Variants in NTSR1 observed in about 807,000 individuals in gnomAD.
NTSR1 encodes neurotensin receptor 1.
In NTSR1, 29 loss-of-function variants were observed where a neutral mutation model predicts 31.2. That is an observed-to-expected ratio of 0.93 (90% CI 0.69 to 1.27). The LOEUF is 1.27. NTSR1 is among the 50% of genes most tolerant of loss of function. The pLI, the probability that NTSR1 is intolerant of heterozygous loss-of-function variation, is 0.00. For missense variants in NTSR1, 697 were observed against 595.4 expected, an observed-to-expected ratio of 1.17 and a Z score of -1.78; for synonymous variants, 282 against 269.9, an observed-to-expected ratio of 1.04 and a Z score of -0.44.
In NTSR1 at chr20:62,709,740, C is replaced by T. The variant is rs199767301; in HGVS notation, c.533C>T (p.Thr178Ile). ...ATCTGCCACCCCTTCAAGGCCAAGA[C>T]CCTCATGTCCCGAAGCCGCACCAAG... Reference protein sequence around the residue: ...LAICHPFKAKTLMSRSRTKKF... With the variant: ...LAICHPFKAKILMSRSRTKKF... Residue 178 changes from threonine to isoleucine, a missense_variant, in exon 1 of 4, where the codon ACC (threonine) becomes ATC (isoleucine). By Grantham distance (89) the Thr-to-Ile change is moderately conservative (BLOSUM62 -1). Coordinates refer to ENST00000370501, the MANE Select transcript of NTSR1 (RefSeq NM_002531.3). The T allele has an allele frequency of 1.9e-4, 309 of 1,612,934 alleles. No individual in the cohort carries two copies. Among genetic ancestry groups the T allele is most frequent in the Middle Eastern group, 3.3e-4 (2 of 6,084 alleles).
At chr20:62,736,797 G>T (rs1989102859) in intron 1 of NTSR1, among the ~76,000 whole-genome samples, 1 of 152,264 alleles carries the variant, frequency 6.6e-6, no homozygotes, top group Non-Finnish European at 1.5e-5. Context: ...AATCTCATGG[G>T]AATTGTAATC....
intron 1 of NTSR1, among the ~76,000 whole-genome samples, chr20:62,712,952 A>G (rs559249229): frequency 9.9e-5 from 15 of 152,172 alleles, no homozygotes; most frequent in Non-Finnish European, 1.6e-4. Flanking sequence ...TGTATACTGA[A>G]CGTGTGCACA....
At chr20:62,746,137 C>T (rs1463100933) in intron 1 of NTSR1, among the ~76,000 whole-genome samples, 1 of 152,266 alleles carries the variant, frequency 6.6e-6, no homozygotes, top group Admixed American at 6.5e-5. Flanking sequence ...TCAAGGCTGC[C>T]GCCCGGCGGG....
At chr20:62,736,307 C>A (rs940669961) in intron 1 of NTSR1, among the ~76,000 whole-genome samples, 32 of 152,218 alleles carry the variant, frequency 2.1e-4, no homozygotes, top group African/African-American at 7.0e-4. Context: ...GACCCTGGGA[C>A]CCCAGAGGCA....
intron 1 of NTSR1, among the ~76,000 whole-genome samples, chr20:62,713,412 C>T (rs1600717211): frequency 6.6e-6 from 1 of 152,286 alleles, no homozygotes; most frequent in Non-Finnish European, 1.5e-5. Context: ...CACAGGGCGA[C>T]TTGGCAAACA....
rs939036261 is a variant in NTSR1 at position 62,744,135 on chromosome 20, G to A, written c.715-10550G>A. On this transcript the variant is annotated intron_variant, in intron 1 of 3. Transcript: ENST00000370501. This position sits in a 1 kb window ranked among gnomAD's most constrained non-coding sequence, Gnocchi z 4.1. ...CAGCCCCACCAGCCGTCGCCCCAGC[G>A]TGTCCCATCCCAGCCTCCCAAGCCG... Among the ~76,000 whole-genome samples the A allele has an allele frequency of 5.3e-5, 8 of 152,156 alleles. No homozygotes were observed. The highest frequency in any genetic ancestry group is 1.2e-4 in the African/African-American group (5 of 41,434).
Position 62,709,066 on chromosome 20 carries a change from A to G in NTSR1, c.-142A>G. On this transcript the variant is annotated 5_prime_UTR_variant, in exon 1 of 4. Coordinates refer to ENST00000370501, the MANE Select transcript of NTSR1 (RefSeq NM_002531.3). ...GCGCGTCTGGGTCTGGCGCTTCCCG[A>G]CTGGACGGCGCGCCCGCTGGTCTTC... is the stretch of plus-strand genomic sequence containing the variant. The G allele has an allele frequency of 1.6e-6, 1 of 628,218 alleles. No individual in the cohort carries two copies. The highest frequency in any genetic ancestry group is 3.5e-5 in the East Asian group (1 of 28,688). 38.9% of individuals were successfully genotyped at this position (628,218 alleles called of 1,614,324 possible).
At chr20:62,751,905 G>A (rs1029522984) in intron 1 of NTSR1, among the ~76,000 whole-genome samples, 2 of 152,306 alleles carry the variant, frequency 1.3e-5, no homozygotes, top group Middle Eastern at 3.4e-3. Context: ...CACAGATGGA[G>A]CTTCTGTCTG....
intron 1 of NTSR1, among the ~76,000 whole-genome samples, chr20:62,727,180 C>A (rs1988922222): frequency 1.3e-5 from 2 of 152,200 alleles, no homozygotes; most frequent in South Asian, 2.1e-4. Context: ...CACACAGGAG[C>A]CCGTGAGGGC....
At chr20:62,721,148 T>C (rs773636718) in intron 1 of NTSR1, among the ~76,000 whole-genome samples, 3 of 152,216 alleles carry the variant, frequency 2.0e-5, no homozygotes, top group African/African-American at 7.2e-5. Flanking sequence ...TGTTGGATAG[T>C]GTTATAGTAT....
intron 1 of NTSR1, among the ~76,000 whole-genome samples, chr20:62,739,979 C>T (rs567305206): frequency 7.2e-4 from 109 of 152,374 alleles, no homozygotes; most frequent in Admixed American, 4.6e-3. Context: ...CGCACCGCCT[C>T]GTCCCCAGCT....
At chr20:62,723,491 C>T (rs952843245) in intron 1 of NTSR1, among the ~76,000 whole-genome samples, 1 of 152,194 alleles carries the variant, frequency 6.6e-6, no homozygotes, top group South Asian at 2.1e-4. Flanking sequence ...CTTCAGGCTG[C>T]GTGCCCAGCA....
intron 1 of NTSR1, among the ~76,000 whole-genome samples, chr20:62,728,986 G>A (rs555261961): frequency 3.3e-5 from 5 of 152,332 alleles, no homozygotes; most frequent in South Asian, 4.1e-4. Flanking sequence ...CAGCCCTTCC[G>A]GCGACACTCA....
intron 1 of NTSR1, among the ~76,000 whole-genome samples, chr20:62,754,068 C>T (rs958372107): frequency 6.6e-6 from 1 of 152,204 alleles, no homozygotes; most frequent in Non-Finnish European, 1.5e-5. Context: ...CTATGATGAC[C>T]CAGCCTTGTG....
intron 1 of NTSR1, among the ~76,000 whole-genome samples, chr20:62,718,471 G>A (rs985044549): frequency 6.6e-5 from 10 of 152,142 alleles, no homozygotes; most frequent in Admixed American, 3.9e-4. Context: ...TATGAGCTTC[G>A]ATAAATGCAG....
chr20:62,751,368 C>T (rs115787985), intron 1 of NTSR1, among the ~76,000 whole-genome samples: 2,157 of 152,188 alleles, frequency 0.014, 48 homozygotes, highest in African/African-American at 0.048. Context: ...GTACTAACTC[C>T]AGGAACTAAG....
chr20:62,760,258 G>A lies in NTSR1; in HGVS notation c.1248G>A (p.Thr416=), dbSNP rs775142005. ...HTLSSNATRE[T]LY ...TCTCCAGCAATGCCACCCGCGAGAC[G>A]CTGTACTAGGCTGTGCGCCCCGGAA... The change falls in exon 4 of 4, where the codon ACG becomes ACA. Residue 416 remains threonine, a synonymous_variant. Coordinates refer to ENST00000370501, the MANE Select transcript of NTSR1 (RefSeq NM_002531.3). 27 of 1,606,128 alleles carry A rather than the reference G, an allele frequency of 1.7e-5. No individual in the cohort carries two copies. The highest frequency in any genetic ancestry group is 2.7e-5 in the African/African-American group (2 of 74,828).
At chr20:62,724,285 T>G (rs1007453875) in intron 1 of NTSR1, among the ~76,000 whole-genome samples, 17 of 152,060 alleles carry the variant, frequency 1.1e-4, no homozygotes, top group African/African-American at 3.4e-4. Context: ...GCCCAGACGG[T>G]TAGGGACAAA....
At chr20:62,734,148 C>T (rs1235988731) in intron 1 of NTSR1, among the ~76,000 whole-genome samples, 1 of 152,128 alleles carries the variant, frequency 6.6e-6, no homozygotes, top group Non-Finnish European at 1.5e-5. Context: ...CAGCCTCCTT[C>T]TCTGGCTCAG....
Sources: gnomAD v4.1 joint callset for allele counts (sites outside exome capture counted in the v4.1 genomes callset) on GRCh38, gnomAD v4.1.1 for gene constraint, Gnocchi (gnomAD v3.1) non-coding constraint, MANE v1.5 for transcripts, NCBI Gene and HGNC (gene_info 2026-07-23, HGNC 2026-07-21) for gene names.